Variants in RECQL observed in about 807,000 individuals in gnomAD.
RECQL encodes ATP-dependent DNA helicase Q1.
In RECQL, 73 loss-of-function variants were observed where a neutral mutation model predicts 75.8. The observed-to-expected ratio is 0.96, with a 90% CI of 0.80 to 1.17. The LOEUF is 1.17. Among genes scored for constraint, RECQL ranks in the 50% most tolerant of loss-of-function variants. The probability of loss-of-function intolerance (pLI) is 0.00; values close to 1 mark genes in which losing one functional copy is unlikely to be tolerated. For missense variants in RECQL, 699 were observed against 772.1 expected (o/e 0.91, Z 1.12); for synonymous variants, 248 against 254.4 (o/e 0.97, Z 0.24).
In RECQL at chr12:21,477,979, C is replaced by A; in HGVS notation, c.701-10G>T. 1 of 1,589,816 alleles carries A rather than the reference C, an allele frequency of 6.3e-7. No homozygotes were observed. The highest frequency in any genetic ancestry group is 8.5e-7 in the Non-Finnish European group (1 of 1,170,846). On this transcript the variant is annotated splice_polypyrimidine_tract_variant and intron_variant, in intron 6 of 14. Transcript: ENST00000444129. ...CCAAGTGCCTTATAATCTGAAAAAACAAACAAAGTGGCCCTTTTTCTATCC... is the reference window on the plus strand; with the variant it reads ...CCAAGTGCCTTATAATCTGAAAAAAAAAACAAAGTGGCCCTTTTTCTATCC...
chr12:21,475,695 C>A lies in RECQL; in HGVS notation c.1079G>T (p.Trp360Leu). 1 of 1,613,268 alleles carries A rather than the reference C, an allele frequency of 6.2e-7. No individual in the cohort carries two copies. Among genetic ancestry groups the A allele is most frequent in the Non-Finnish European group, 8.5e-7 (1 of 1,179,440 alleles). ...CCTAACCTGAATTTCATTGGCTGAC[C>A]ATTTTCTATGAACTGTGGTCTTATC... Reference protein sequence around the residue: ...PEDKTTVHRKWSANEIQVVVA... With the variant: ...PEDKTTVHRKLSANEIQVVVA... The change falls in exon 9 of 15, where the codon TGG (tryptophan) becomes TTG (leucine). Residue 360 changes from tryptophan to leucine, a missense_variant. By Grantham distance (61) the Trp-to-Leu change is moderately conservative. Around this residue, in one of 2 missense-constraint regions of RECQL, gnomAD observed 669 missense variants for 713.5 expected, o/e 0.94. Coordinates refer to ENST00000444129, the MANE Select transcript of RECQL (RefSeq NM_002907.4).
At chr12:21,496,597 A>C (rs1943512904) in intron 2 of RECQL, among the ~76,000 whole-genome samples, 1 of 152,192 alleles carries the variant, frequency 6.6e-6, no homozygotes, top group South Asian at 2.1e-4. Context: ...TACTATAGAC[A>C]AACTGCTAAG....
rs1943283692 is a variant in RECQL, at chr12:21,485,794, T to A, written c.501+685A>T. Among the ~76,000 whole-genome samples the A allele has an allele frequency of 2.0e-5, 3 of 152,238 alleles. No individual in the cohort carries two copies. The South Asian group carries it at 6.2e-4, about 32-fold the overall frequency. On this transcript the variant is annotated intron_variant, in intron 5 of 14. Transcript: ENST00000444129. ...AAGATTAGCCGTATGTTGATAACTG[T>A]TGAAGGGGGAAATGGCTACATGGCA...
At chr12:21,470,806 T>C in intron 14 of RECQL, 163 bp downstream of exon 14, 1 of 468,934 alleles carries the variant, frequency 2.1e-6, no homozygotes, top group Non-Finnish European at 3.4e-6. Flanking sequence ...CACTTACATC[T>C]TTACAGAAAA....
intron 1 of RECQL, among the ~76,000 whole-genome samples, chr12:21,500,935 T>C (rs1376897180): frequency 6.6e-6 from 1 of 152,114 alleles, no homozygotes; most frequent in Non-Finnish European, 1.5e-5. Flanking sequence ...TATCCAGAAA[T>C]TGAACTACAG....
At chr12:21,491,777 G>C in intron 2 of RECQL, 61 bp from the exon 3 acceptor site, 2 of 1,441,220 alleles carry the variant, frequency 1.4e-6, no homozygotes, top group South Asian at 1.3e-5. Context: ...TAGGTTTCCA[G>C]ATTGATTTCT....
intron 7 of RECQL, 55 bp from the exon 8 acceptor site, chr12:21,477,047 T>C: frequency 1.6e-6 from 2 of 1,260,460 alleles, no homozygotes; most frequent in Admixed American, 4.4e-5. Context: ...TCCAAGTGGC[T>C]GTCTATGTAC....
At chr12:21,486,350 G>A in intron 5 of RECQL, 129 bp downstream of exon 5, 3 of 1,205,058 alleles carry the variant, frequency 2.5e-6, no homozygotes, top group East Asian at 2.8e-5. Flanking sequence ...AACTGGCCAA[G>A]AGCAGTAGTT....
Position 21,477,879 on chromosome 12 carries a change from T to C in RECQL, c.791A>G (p.Asp264Gly), listed in dbSNP as rs1412061508. 6.2e-7 allele frequency: 1 copy of C among 1,614,012 alleles called. No homozygotes were observed. Among genetic ancestry groups the C allele is most frequent in the Non-Finnish European group, 8.5e-7 (1 of 1,179,932 alleles). Reference sequence around the variant, plus strand: ...TTCAATGCACAAAATTTTCTGAGCATCCGTCAAAACGTGATTTGTTGCAGT... The same window carrying C: ...TTCAATGCACAAAATTTTCTGAGCACCCGTCAAAACGTGATTTGTTGCAGT... ...TATATNHVLTDAQKILCIEKC... is the reference protein window; with the variant it reads ...TATATNHVLTGAQKILCIEKC... The change falls in exon 7 of 15, where the codon GAT becomes GGT. Residue 264 changes from aspartate (D) to glycine (G), a missense_variant. This residue lies in a region of RECQL where 669 missense variants were observed against 713.5 expected (regional missense o/e 0.94). Coordinates refer to ENST00000444129, the MANE Select transcript of RECQL (RefSeq NM_002907.4).
chr12:21,486,656 C>CCTTTTTTTTTTTTT lies in RECQL; in HGVS notation c.395-72_395-71insAAAAAAAAAAAAAG, dbSNP rs1565571187. On this transcript the variant is annotated intron_variant, in intron 4 of 14. Coordinates refer to ENST00000444129, the MANE Select transcript of RECQL (RefSeq NM_002907.4). ...CTCAGAATCAGATGCAAACCATTCA[C>CCTTTTTTTTTTTTT]GTTTTTTTTTTTTTTTTTTTTTTTT... is the stretch of plus-strand genomic sequence containing the variant. The CCTTTTTTTTTTTTT allele has an allele frequency of 4.2e-5, 6 of 141,742 alleles. 3 individuals carry two copies. Among genetic ancestry groups the CCTTTTTTTTTTTTT allele is most frequent in the African/African-American group, 2.7e-4 (4 of 14,784 alleles). 8.8% of individuals were successfully genotyped at this position (141,742 alleles called of 1,614,324 possible). A position where few individuals can be genotyped will look rare whatever the true frequency, so the allele number is the denominator to read the frequency against.
At chr12:21,491,202 T>G (rs1235860924) in intron 3 of RECQL, among the ~76,000 whole-genome samples, 1 of 152,216 alleles carries the variant, frequency 6.6e-6, no homozygotes, top group Non-Finnish European at 1.5e-5. Flanking sequence ...GAAAATGATC[T>G]AACCTTTGGC....
rs1352907591 is a variant in RECQL, at chr12:21,491,587, C to T, written c.146G>A (p.Cys49Tyr). ...TGCCCCGGCATCAGAATCCTCTAAA[C>T]ACTGCTTTATTTTCTTTGTCAGGAC... ...KKVLTKKIKQCLEDSDAGASN... is the reference protein window; with the variant it reads ...KKVLTKKIKQYLEDSDAGASN... Residue 49 changes from cysteine (C) to tyrosine (Y), a missense_variant, in exon 3 of 15, where the codon TGT (cysteine) becomes TAT (tyrosine). By Grantham distance (194) the Cys-to-Tyr change is radical. Around this residue, in one of 2 missense-constraint regions of RECQL, gnomAD observed 669 missense variants for 713.5 expected, o/e 0.94. Transcript: ENST00000444129. 6.2e-7 allele frequency: 1 copy of T among 1,612,182 alleles called. No individual in the cohort carries two copies. Among genetic ancestry groups the T allele is most frequent in the East Asian group, 2.2e-5 (1 of 44,818 alleles).
intron 12 of RECQL, 21 bp from the exon 13 acceptor site, chr12:21,471,668 T>C: frequency 6.3e-7 from 1 of 1,579,204 alleles, no homozygotes; most frequent in Non-Finnish European, 8.7e-7. Flanking sequence ...ACAAATATGG[T>C]AGCAGGTAAT....
At chr12:21,491,385 T>G in intron 3 of RECQL, 134 bp downstream of exon 3, 4 of 778,204 alleles carry the variant, frequency 5.1e-6, no homozygotes, top group Non-Finnish European at 7.9e-6. Context: ...CCTGCAAGTT[T>G]CCCATTCCAC....
chr12:21,494,355 A>G (rs1489628879), intron 2 of RECQL, among the ~76,000 whole-genome samples: 1 of 152,228 alleles, frequency 6.6e-6, no homozygotes, highest in East Asian at 1.9e-4. Context: ...TCAGAAACCT[A>G]GAGAATGTAT....
In RECQL at chr12:21,490,380, T is replaced by C. The variant is rs763913300; in HGVS notation, c.215-2A>G. ...TAACTTTACCAGACCATGGAAAATC[T>C]AGGAAAAGAAAGTTAAGAATCAGAC... is the stretch of plus-strand genomic sequence containing the variant. On this transcript the variant is annotated splice_acceptor_variant, in intron 3 of 14. Transcript: ENST00000444129. LOFTEE classifies it high-confidence loss of function. 2.5e-6 allele frequency: 4 copies of C among 1,599,530 alleles called. 1 individual carries two copies. The South Asian group carries it at 3.3e-5, about 13-fold the overall frequency.
chr12:21,495,581 T>G (rs1277286434), intron 2 of RECQL, among the ~76,000 whole-genome samples: 1 of 151,004 alleles, frequency 6.6e-6, no homozygotes, highest in Non-Finnish European at 1.5e-5. Context: ...GGTGACAGAG[T>G]GAGACTCCGT....
At chr12:21,487,806 T>C (rs1364363160) in intron 4 of RECQL, among the ~76,000 whole-genome samples, 1 of 152,130 alleles carries the variant, frequency 6.6e-6, no homozygotes, top group Non-Finnish European at 1.5e-5. Flanking sequence ...GTGCCCTTTC[T>C]TTGCCGCCAT....
intron 5 of RECQL, 72 bp from the exon 6 acceptor site, chr12:21,483,646 G>A: frequency 9.1e-7 from 1 of 1,097,256 alleles, no homozygotes. Context: ...GGTGGTAAAT[G>A]AAAACGTTCA....
Sources: allele counts gnomAD v4.1 joint callset (sites outside exome capture counted in the v4.1 genomes callset), GRCh38; gene constraint gnomAD v4.1.1; regional missense constraint gnomAD v4.1.1; transcripts MANE v1.5; gene names NCBI Gene and HGNC (gene_info 2026-07-23, HGNC 2026-07-21).